Variants in CTNNA3 observed in about 807,000 individuals in gnomAD.
CTNNA3 encodes the protein catenin alpha 3.
Under a neutral mutation model 95.7 loss-of-function variants are expected in CTNNA3, and 76 were observed. The ratio of observed to expected loss-of-function variants is 0.79; its 90% confidence interval spans 0.66 to 0.96. The LOEUF is 0.96. CTNNA3 is among the 40% of genes least tolerant of loss of function. The pLI is 0.00. For synonymous variants in CTNNA3, 431 were observed against 374.4 expected (o/e 1.15, Z -1.74); for missense variants, 1,191 against 1,089.8 (o/e 1.09, Z -1.31).
At chr10:66,346,456 T>C (rs2092520769) in intron 12 of CTNNA3, among the ~76,000 whole-genome samples, 1 of 151,806 alleles carries the variant, frequency 6.6e-6, no homozygotes, top group African/African-American at 2.4e-5. Flanking sequence ...GTTTTGTATT[T>C]TTAGTAAAGA....
intron 7 of CTNNA3, among the ~76,000 whole-genome samples, chr10:66,829,190 G>A (rs902658462): frequency 6.6e-6 from 1 of 152,184 alleles, no homozygotes; most frequent in Non-Finnish European, 1.5e-5. Context: ...TCTAAGGGCT[G>A]TTAATAGATA....
intron 11 of CTNNA3, among the ~76,000 whole-genome samples, chr10:66,397,690 A>G (rs1413978332): frequency 1.3e-5 from 2 of 151,722 alleles, no homozygotes; most frequent in Non-Finnish European, 3.0e-5. Flanking sequence ...TAAAGAAATG[A>G]CTCCAAGGAA....
At chr10:66,957,443 C>CATAT (rs1266828606) in intron 7 of CTNNA3, among the ~76,000 whole-genome samples, 37 of 22,164 alleles carry the variant, frequency 1.7e-3, no homozygotes, top group Admixed American at 3.9e-3. Context: ...TATATATATG[C>CATAT]ATATATATAT....
intron 9 of CTNNA3, among the ~76,000 whole-genome samples, chr10:66,631,878 C>T (rs917046036): frequency 1.3e-5 from 2 of 151,968 alleles, no homozygotes; most frequent in Non-Finnish European, 2.9e-5. Context: ...ATTGAGTATT[C>T]GGTAACACTT....
chr10:67,412,286 A>T (rs544122587), intron 5 of CTNNA3, among the ~76,000 whole-genome samples: 3 of 152,294 alleles, frequency 2.0e-5, no homozygotes, highest in Non-Finnish European at 2.9e-5. Flanking sequence ...TCATGCATTC[A>T]TTAGCAATTT....
At chr10:66,708,344 C>T (rs551134966) in intron 9 of CTNNA3, among the ~76,000 whole-genome samples, 26 of 152,074 alleles carry the variant, frequency 1.7e-4, no homozygotes, top group African/African-American at 5.8e-4. Context: ...TCTTCTGAGA[C>T]CTCTTGTCTT....
Position 66,527,055 on chromosome 10 carries a change from T to C in CTNNA3, c.1375-6282A>G, listed in dbSNP as rs144578447. On this transcript the variant is annotated intron_variant, in intron 10 of 17. Coordinates refer to ENST00000433211, the MANE Select transcript of CTNNA3 (RefSeq NM_013266.4). ...TGTTTTCTTCTAAGAGTTCTATATT[T>C]TTAGTCACTATGTTTAAGTCTTTGA... is the stretch of plus-strand genomic sequence containing the variant. Among the ~76,000 whole-genome samples, 3 of 152,296 alleles carry C rather than the reference T, an allele frequency of 2.0e-5. 1 individual carries two copies. The highest frequency in any genetic ancestry group is 7.2e-5 in the African/African-American group (3 of 41,562).
intron 7 of CTNNA3, among the ~76,000 whole-genome samples, chr10:67,019,635 A>G (rs1362182142): frequency 6.6e-6 from 1 of 152,252 alleles, no homozygotes; most frequent in Non-Finnish European, 1.5e-5. Context: ...CAGGTTACAC[A>G]GTGTGAGTCA....
intron 5 of CTNNA3, among the ~76,000 whole-genome samples, chr10:67,495,075 G>T (rs1462917717): frequency 6.6e-6 from 1 of 152,010 alleles, no homozygotes; most frequent in Non-Finnish European, 1.5e-5. Context: ...ATTTTATCTG[G>T]CAACCCTAAC....
chr10:66,085,068 A>G (rs1200456414), intron 14 of CTNNA3: 2 of 152,162 alleles, frequency 1.3e-5, no homozygotes, highest in Non-Finnish European at 2.9e-5. Flanking sequence ...GTGAAGAATT[A>G]AGATAGAAGA....
intron 7 of CTNNA3, among the ~76,000 whole-genome samples, chr10:66,974,266 T>C (rs1206069629): frequency 6.6e-6 from 1 of 152,214 alleles, no homozygotes; most frequent in Non-Finnish European, 1.5e-5. Flanking sequence ...TCTGGTGACA[T>C]AGGCTGGAGA....
At chr10:66,636,961 G>A (rs1360860922) in intron 9 of CTNNA3, among the ~76,000 whole-genome samples, 3 of 152,104 alleles carry the variant, frequency 2.0e-5, no homozygotes, top group Non-Finnish European at 4.4e-5. Flanking sequence ...AGGAGATAAC[G>A]CAGTGAAGCT....
intron 7 of CTNNA3, chr10:66,928,374 C>T (rs1472090168): frequency 6.2e-7 from 1 of 1,613,994 alleles, no homozygotes; most frequent in South Asian, 1.1e-5. Context: ...ATAAACCCAC[C>T]AACACGGAGA....
intron 9 of CTNNA3, among the ~76,000 whole-genome samples, chr10:66,716,645 T>G (rs1307240010): frequency 6.6e-6 from 1 of 152,180 alleles, no homozygotes; most frequent in Non-Finnish European, 1.5e-5. Context: ...TTGTCATATG[T>G]GGGGCCCTCT....
At chr10:67,552,399 G>A (rs111594500) in intron 3 of CTNNA3, among the ~76,000 whole-genome samples, 1 of 151,920 alleles carries the variant, frequency 6.6e-6, no homozygotes, top group Non-Finnish European at 1.5e-5. Flanking sequence ...ACATGTGCAG[G>A]ATGTACAGGT....
At chr10:66,638,214 C>A (rs1845399572) in intron 9 of CTNNA3, among the ~76,000 whole-genome samples, 1 of 152,138 alleles carries the variant, frequency 6.6e-6, no homozygotes, top group Non-Finnish European at 1.5e-5. Context: ...GTCTCAAATT[C>A]TGAATTATCT....
chr10:66,154,944 C>A (rs2084412642), intron 13 of CTNNA3, among the ~76,000 whole-genome samples: 1 of 151,224 alleles, frequency 6.6e-6, no homozygotes, highest in African/African-American at 2.4e-5. Context: ...TATAAACAGC[C>A]AGACAGTAAA....
chr10:67,746,774 C>T (rs1227731060), intron 1 of CTNNA3, among the ~76,000 whole-genome samples: 1 of 152,234 alleles, frequency 6.6e-6, no homozygotes, highest in African/African-American at 2.4e-5. Context: ...TCTCAATAGC[C>T]ATTCAGCTGC....
Position 65,920,157 on chromosome 10 carries a change from G to A in CTNNA3, c.*173C>T, listed in dbSNP as rs1482364063. On this transcript the variant is annotated 3_prime_UTR_variant, in exon 18 of 18. Coordinates refer to ENST00000433211, the MANE Select transcript of CTNNA3 (RefSeq NM_013266.4). ...AGGTGCTGACCATACAGAAATGACA[G>A]TGATATGATCCCAAATATATATTGC... 82 of 607,984 alleles carry A rather than the reference G, an allele frequency of 1.3e-4. No homozygotes were observed. Among genetic ancestry groups the A allele is most frequent in the Non-Finnish European group, 1.6e-4 (54 of 345,026 alleles). The allele number at this position is 607,984 out of a possible 1,614,324, so 37.7% of individuals were successfully genotyped here.
Sources: allele counts gnomAD v4.1 joint callset (sites outside exome capture counted in the v4.1 genomes callset), GRCh38; gene constraint gnomAD v4.1.1; transcripts MANE v1.5; gene names NCBI Gene and HGNC (gene_info 2026-07-23, HGNC 2026-07-21).